The following RALGPS1 variants were observed in gnomAD, a reference collection of about 807,000 sequenced individuals.
RALGPS1 encodes Ral GEF with PH domain and SH3 binding motif 1.
RALGPS1 carries 19 observed loss-of-function variants against 78.8 expected under a neutral mutation model. The ratio of observed to expected loss-of-function variants is 0.24; its 90% CI spans 0.17 to 0.35. The LOEUF is 0.35. Among genes scored for constraint, RALGPS1 ranks in the 10% least tolerant of loss-of-function variants. The pLI, the probability that RALGPS1 is intolerant of heterozygous loss-of-function variation, is 1.00. For synonymous variants in RALGPS1, 228 were observed against 256.3 expected, an observed-to-expected ratio of 0.89 and a Z score of 1.06; for missense variants, 454 against 688.3, an observed-to-expected ratio of 0.66 and a Z score of 3.81.
intron 8 of RALGPS1, among the ~76,000 whole-genome samples, chr9:127,130,727 T>C (rs1237665132): frequency 6.6e-6 from 1 of 152,232 alleles, no homozygotes; most frequent in Non-Finnish European, 1.5e-5. Flanking sequence ...GTAGATTCTT[T>C]TATTATTCCC....
intron 4 of RALGPS1, among the ~76,000 whole-genome samples, chr9:126,984,896 C>G (rs143652196): frequency 6.6e-6 from 1 of 152,200 alleles, no homozygotes; most frequent in Non-Finnish European, 1.5e-5. Context: ...CTTAGTATTA[C>G]TGGGTTGCCA....
intron 10 of RALGPS1, among the ~76,000 whole-genome samples, chr9:127,171,863 G>T (rs559638350): frequency 1.3e-5 from 2 of 152,250 alleles, no homozygotes; most frequent in East Asian, 3.9e-4. Context: ...AGCCAACTCT[G>T]GTTATGAAAG....
In RALGPS1 at chr9:126,969,699, G is replaced by A. The variant is rs74895659; in HGVS notation, c.165+3748G>A. ...TTTCTAGCTGTTTACCCTGTGGAATGGCAGAGAGTTAGACTGCATCATAGA... is the reference window on the plus strand; with the variant it reads ...TTTCTAGCTGTTTACCCTGTGGAATAGCAGAGAGTTAGACTGCATCATAGA... On this transcript the variant is annotated intron_variant, in intron 3 of 18. Transcript: ENST00000259351. Among the ~76,000 whole-genome samples the A allele has an allele frequency of 2.0e-3, 310 of 152,316 alleles. 1 individual carries two copies. Among genetic ancestry groups the A allele is most frequent in the African/African-American group, 7.0e-3 (291 of 41,566 alleles).
chr9:127,149,875 T>G (rs1213883970), intron 8 of RALGPS1, among the ~76,000 whole-genome samples: 2 of 152,202 alleles, frequency 1.3e-5, no homozygotes, highest in Non-Finnish European at 2.9e-5. Context: ...TGGAGTGCTT[T>G]TGGTAGATGA....
At position 127,076,702 on chromosome 9, in the gene RALGPS1, C is replaced by T. The variant is rs538043184; in HGVS notation, c.610+7346C>T. Reference sequence around the variant, plus strand: ...GATGCCCCAAAGCCTCCCAGTCAGACACCACCCCTGCCCTCATGGAGCTCA... The same window carrying T: ...GATGCCCCAAAGCCTCCCAGTCAGATACCACCCCTGCCCTCATGGAGCTCA... On this transcript the variant is annotated intron_variant, in intron 8 of 18. Coordinates refer to ENST00000259351, the MANE Select transcript of RALGPS1 (RefSeq NM_014636.3). Among the ~76,000 whole-genome samples, 15 of 152,300 alleles carry T rather than the reference C, an allele frequency of 9.8e-5. No individual in the cohort carries two copies. The South Asian group carries it at 3.1e-3, about 32-fold the overall frequency.
At chr9:127,184,398 G>A (rs1014763272) in intron 11 of RALGPS1, 9 of 293,980 alleles carry the variant, frequency 3.1e-5, no homozygotes, top group Admixed American at 2.4e-4. Context: ...GCGAGAACTC[G>A]TGAGAGCTGC....
chr9:127,183,797 G>C lies in RALGPS1; in HGVS notation c.910+9015G>C. The C allele has an allele frequency of 7.3e-7, 1 of 1,376,830 alleles. No individual in the cohort carries two copies. The highest frequency in any genetic ancestry group is 2.5e-5 in the East Asian group (1 of 39,818). 85.3% of individuals were successfully genotyped at this position (1,376,830 alleles called of 1,614,324 possible). On this transcript the variant is annotated intron_variant, in intron 11 of 18. Transcript: ENST00000259351. The surrounding 1 kb of genome is among the most constrained non-coding windows in gnomAD (Gnocchi z 4.0). The stretch of plus-strand genomic sequence containing the variant: ...TGGATGGGTGGGAGGGGCCCTCCAT[G>C]AGGACCTCAGGGATAGGAGGCCAGT...
intron 5 of RALGPS1, among the ~76,000 whole-genome samples, chr9:127,045,389 A>G (rs2047664462): frequency 2.0e-5 from 3 of 152,220 alleles, no homozygotes; most frequent in South Asian, 2.1e-4. Flanking sequence ...GCTAAAGACA[A>G]AGGAACTGTA....
rs757893698 is a variant in RALGPS1, at chr9:127,212,107, G to A, written c.1248-24G>A. The A allele has an allele frequency of 5.0e-6, 8 of 1,591,004 alleles. No homozygotes were observed. The highest frequency in any genetic ancestry group is 6.9e-6 in the Non-Finnish European group (8 of 1,166,634). ...TTGACCTCAGCTCCTCCAGGGCGAT[G>A]TCTGACTGGTAGTCTCTCCTCAGCC... On this transcript the variant is annotated intron_variant, in intron 14 of 18. Transcript: ENST00000259351. This position sits in a 1 kb window ranked among gnomAD's most constrained non-coding sequence, Gnocchi z 6.0.
At chr9:127,217,250 TC>T in intron 18 of RALGPS1, 2 of 1,199,994 alleles carry the variant, frequency 1.7e-6, no homozygotes, top group Non-Finnish European at 2.1e-6. Flanking sequence ...GGATTTTTCT[TC>T]CTACTTTCCC....
intron 11 of RALGPS1, among the ~76,000 whole-genome samples, chr9:127,181,992 A>G (rs1275584672): frequency 6.6e-6 from 1 of 151,862 alleles, no homozygotes; most frequent in African/African-American, 2.4e-5. Context: ...CCTCCCGCCC[A>G]TCCATTCTGA....
intron 4 of RALGPS1, among the ~76,000 whole-genome samples, chr9:127,019,652 C>G (rs1479981824): frequency 6.6e-6 from 1 of 152,058 alleles, no homozygotes; most frequent in African/African-American, 2.4e-5. Context: ...TTATTGCTTA[C>G]TAATAATATT....
intron 8 of RALGPS1, among the ~76,000 whole-genome samples, chr9:127,086,840 C>T (rs965222182): frequency 6.6e-6 from 1 of 152,056 alleles, no homozygotes; most frequent in African/African-American, 2.4e-5. Flanking sequence ...GGAAATTGGA[C>T]TGGAATGAGG....
intron 13 of RALGPS1, among the ~76,000 whole-genome samples, chr9:127,197,554 T>C (rs1373977693): frequency 1.3e-5 from 2 of 151,988 alleles, no homozygotes; most frequent in African/African-American, 4.8e-5. Flanking sequence ...CTCCCATGTC[T>C]CTGTGAAAGC....
intron 1 of RALGPS1, among the ~76,000 whole-genome samples, chr9:126,958,657 C>T (rs1323154031): frequency 6.6e-6 from 1 of 152,144 alleles, no homozygotes; most frequent in South Asian, 2.1e-4. Flanking sequence ...ATTCTCTGTC[C>T]GTTTACCAGG....
chr9:127,005,092 G>T (rs1248139728), intron 4 of RALGPS1, among the ~76,000 whole-genome samples: 1 of 152,186 alleles, frequency 6.6e-6, no homozygotes, highest in Non-Finnish European at 1.5e-5. Context: ...TGTGTCAAGT[G>T]ATGTGATTTC....
At chr9:126,947,427 T>TGGATTTGG (rs1263259582) in intron 1 of RALGPS1, among the ~76,000 whole-genome samples, 1 of 152,234 alleles carries the variant, frequency 6.6e-6, no homozygotes, top group Non-Finnish European at 1.5e-5. Flanking sequence ...TTTTGGATTT[T>TGGATTTGG]GGATTTGGGG....
chr9:127,160,088 G>A (rs2058935384), intron 8 of RALGPS1, among the ~76,000 whole-genome samples: 2 of 152,214 alleles, frequency 1.3e-5, no homozygotes, highest in African/African-American at 4.8e-5. Context: ...ACAGGGTGGC[G>A]ATGGGAGAAC....
At chr9:127,046,039 A>G (rs2047739476) in intron 5 of RALGPS1, among the ~76,000 whole-genome samples, 2 of 152,220 alleles carry the variant, frequency 1.3e-5, no homozygotes, top group Admixed American at 6.5e-5. Context: ...CCAAAACAAT[A>G]CAGGGGTTGT....
Sources: allele counts gnomAD v4.1 joint callset (sites outside exome capture counted in the v4.1 genomes callset), GRCh38; gene constraint gnomAD v4.1.1; non-coding constraint Gnocchi (gnomAD v3.1); transcripts MANE v1.5; gene names NCBI Gene and HGNC (gene_info 2026-07-23, HGNC 2026-07-21).